The following CALHM4 variants were observed in gnomAD, a reference collection of about 807,000 sequenced individuals.
CALHM4 encodes the protein calcium homeostasis modulator protein 4.
Under a neutral mutation model 13.3 loss-of-function variants are expected in CALHM4, and 16 were observed. The observed-to-expected ratio is 1.20, with a 90% CI of 0.81 to 1.82. CALHM4 has a LOEUF of 1.82. Ranked by LOEUF, CALHM4 falls within the 40% of genes most tolerant of loss-of-function variation. CALHM4 has a pLI of 0.00. For missense variants in CALHM4, 344 were observed against 374.9 expected, an observed-to-expected ratio of 0.92 and a Z score of 0.68; for synonymous variants, 127 against 137.1, an observed-to-expected ratio of 0.93 and a Z score of 0.52.
upstream of CALHM4, among the ~76,000 whole-genome samples, chr6:116,550,025 T>TACACACACAC (rs71554855): frequency 2.1e-5 from 2 of 96,342 alleles, no homozygotes; most frequent in East Asian, 6.3e-4. Flanking sequence ...TATATATATA[T>TACACACACAC]ACACACACAC....
rs1005740529 is a variant in CALHM4, at chr6:116,536,232, G to C, written c.-109+7042G>C. The stretch of plus-strand genomic sequence containing the variant: ...AGGAATGAGACTTTATAATTAACTT[G>C]GCATCTTTTTTTTATATAAAATGCA... On this transcript the variant is annotated intron_variant, in intron 1 of 2. Transcript: ENST00000368597. Among the ~76,000 whole-genome samples, 7 of 151,992 alleles carry C rather than the reference G, an allele frequency of 4.6e-5. No homozygotes were observed. In the East Asian group the frequency reaches 1.3e-3, roughly 29 times the overall value.
At chr6:116,555,651 C>T (rs1485139537) in intron 1 of CALHM4, among the ~76,000 whole-genome samples, 1 of 152,124 alleles carries the variant, frequency 6.6e-6, no homozygotes, top group East Asian at 1.9e-4. Flanking sequence ...TAATTCAGGG[C>T]TAATAAACTG....
chr6:116,548,099 T>G (rs1230555997), intron 2 of CALHM4, among the ~76,000 whole-genome samples: 1 of 152,182 alleles, frequency 6.6e-6, no homozygotes. Flanking sequence ...TGTGGTAGTT[T>G]TAAGAGTTGG....
chr6:116,557,981 C>T lies in CALHM4; in HGVS notation c.715C>T (p.His239Tyr). The part of the protein sequence containing the change: ...RELFEQAAEQ[H>Y]SRLLMMHRIK... ...ACTCTTTGAACAAGCAGCAGAGCAG[C>T]ACTCTCGGCTCCTCATGATGCATCG... is the stretch of plus-strand genomic sequence containing the variant. The change falls in exon 2 of 2, where the codon CAC becomes TAC. Residue 239 changes from histidine (H) to tyrosine (Y), a missense_variant. Transcript: ENST00000368596. The T allele has an allele frequency of 6.2e-7, 1 of 1,614,124 alleles. No individual in the cohort carries two copies. The highest frequency in any genetic ancestry group is 8.5e-7 in the Non-Finnish European group (1 of 1,180,024).
At chr6:116,529,821 C>A (rs1772588150) in intron 1 of CALHM4, among the ~76,000 whole-genome samples, 1 of 152,160 alleles carries the variant, frequency 6.6e-6, no homozygotes, top group Non-Finnish European at 1.5e-5. Flanking sequence ...GGTTCCAGGT[C>A]TTTTATTTTA....
chr6:116,543,105 GA>G (rs1457915642), intron 1 of CALHM4, among the ~76,000 whole-genome samples: 1 of 152,012 alleles, frequency 6.6e-6, no homozygotes, highest in African/African-American at 2.4e-5. Context: ...ATATTTGTAG[GA>G]AAAAAATCCT....
chr6:116,532,970 A>T (rs1264205381), intron 1 of CALHM4, among the ~76,000 whole-genome samples: 1 of 152,208 alleles, frequency 6.6e-6, no homozygotes, highest in Non-Finnish European at 1.5e-5. Flanking sequence ...TCTAATGAAC[A>T]TTTCAGAACG....
At chr6:116,530,162 T>C (rs1772608612) in intron 1 of CALHM4, among the ~76,000 whole-genome samples, 1 of 151,202 alleles carries the variant, frequency 6.6e-6, no homozygotes, top group Non-Finnish European at 1.5e-5. Context: ...AAGCCAAATA[T>C]AATTAGAAAA....
At chr6:116,544,485 C>T (rs1198950438) in intron 2 of CALHM4, among the ~76,000 whole-genome samples, 5 of 152,040 alleles carry the variant, frequency 3.3e-5, no homozygotes, top group African/African-American at 1.2e-4. Context: ...AAATCCATAC[C>T]ACAGATGCCA....
chr6:116,549,086 A>C (rs1773935394), upstream of CALHM4, among the ~76,000 whole-genome samples: 1 of 152,158 alleles, frequency 6.6e-6, no homozygotes, highest in Non-Finnish European at 1.5e-5. Context: ...GGAGTTCGAG[A>C]CCACCCTGGC....
intron 1 of CALHM4, among the ~76,000 whole-genome samples, chr6:116,556,362 T>C (rs1343340313): frequency 6.6e-6 from 1 of 152,216 alleles, no homozygotes; most frequent in Non-Finnish European, 1.5e-5. Context: ...ATTATTCACA[T>C]CTGAGTTCCC....
upstream of CALHM4, among the ~76,000 whole-genome samples, chr6:116,552,324 T>G (rs1190900539): frequency 6.6e-6 from 1 of 152,196 alleles, no homozygotes; most frequent in Non-Finnish European, 1.5e-5. Context: ...TTCTGCAGTT[T>G]TATTCTGTGT....
At chr6:116,541,233 T>A (rs1289783318) in intron 1 of CALHM4, among the ~76,000 whole-genome samples, 1 of 152,164 alleles carries the variant, frequency 6.6e-6, no homozygotes, top group African/African-American at 2.4e-5. Flanking sequence ...AACGACTAGA[T>A]TTCCCAGAAG....
intron 1 of CALHM4, among the ~76,000 whole-genome samples, chr6:116,533,479 A>G (rs1028047188): frequency 3.9e-5 from 6 of 152,220 alleles, no homozygotes; most frequent in African/African-American, 1.4e-4. Flanking sequence ...CCAGACAGCT[A>G]GAGTTGCACT....
chr6:116,531,204 T>C (rs1772700361), intron 1 of CALHM4, among the ~76,000 whole-genome samples: 1 of 151,838 alleles, frequency 6.6e-6, no homozygotes, highest in South Asian at 2.1e-4. Context: ...ACAGGGCTAG[T>C]GATTGGCTGG....
At chr6:116,556,323 A>C (rs1774314564) in intron 1 of CALHM4, among the ~76,000 whole-genome samples, 1 of 152,130 alleles carries the variant, frequency 6.6e-6, no homozygotes, top group Non-Finnish European at 1.5e-5. Context: ...TTAGGCTTAA[A>C]AATTATAGAG....
intron 1 of CALHM4, among the ~76,000 whole-genome samples, chr6:116,534,975 C>T (rs183167651): frequency 2.0e-5 from 3 of 152,266 alleles, no homozygotes; most frequent in Non-Finnish European, 2.9e-5. Flanking sequence ...AATTCCCCCA[C>T]GTCCCTCAGA....
intron 1 of CALHM4, among the ~76,000 whole-genome samples, chr6:116,555,370 A>T (rs1301189123): frequency 1.3e-5 from 2 of 152,248 alleles, no homozygotes; most frequent in African/African-American, 4.8e-5. Context: ...AATGTAACAC[A>T]CATTGGTAAG....
chr6:116,545,071 T>A (rs1166921309), intron 2 of CALHM4, among the ~76,000 whole-genome samples: 1 of 151,500 alleles, frequency 6.6e-6, no homozygotes, highest in Non-Finnish European at 1.5e-5. Flanking sequence ...CTATTTCGAT[T>A]CAGTTTTACA....
Sources: allele counts gnomAD v4.1 joint callset (sites outside exome capture counted in the v4.1 genomes callset), GRCh38; gene constraint gnomAD v4.1.1; transcripts MANE v1.5; gene names NCBI Gene and HGNC (gene_info 2026-07-23, HGNC 2026-07-21).